Variants in NEURL1 observed in about 807,000 individuals in gnomAD.
The protein encoded by NEURL1 is E3 ubiquitin-protein ligase NEURL1.
Under a neutral mutation model 41.2 loss-of-function variants are expected in NEURL1, and 26 were observed. The observed-to-expected ratio is 0.63, with a 90% CI of 0.46 to 0.87. NEURL1 has a LOEUF of 0.87. NEURL1 is among the 40% of genes least tolerant of loss of function. The pLI is 0.00. For missense variants in NEURL1, 761 were observed against 871.1 expected, an observed-to-expected ratio of 0.87 and a Z score of 1.59; for synonymous variants, 400 against 402.3, an observed-to-expected ratio of 0.99 and a Z score of 0.07.
At chr10:103,559,855 CACAT>C (rs1342282568) in intron 1 of NEURL1, among the ~76,000 whole-genome samples, 20 of 144,450 alleles carry the variant, frequency 1.4e-4, no homozygotes, top group African/African-American at 3.9e-4. Context: ...CGCACACACA[CACAT>C]GTACATGTAC....
Position 103,570,713 on chromosome 10 carries a change from T to C in NEURL1, c.86-159T>C, listed in dbSNP as rs374067531. On this transcript the variant is annotated intron_variant, in intron 1 of 5. Coordinates refer to ENST00000369780, the MANE Select transcript of NEURL1 (RefSeq NM_004210.5). ...TGGTGGAGTGGGAGATGGTGAGAGA[T>C]GGTGGCAGAAGGATGGTGGCAAGGG... 4.0e-5 allele frequency among the ~76,000 whole-genome samples: 6 copies of C among 151,704 alleles called. No individual in the cohort carries two copies. The East Asian group carries it at 9.7e-4, about 24-fold the overall frequency.
In NEURL1 at chr10:103,584,690, C is replaced by A; in HGVS notation, c.804C>A (p.Ala268=). ...CGGACGGCGACGAGGCCGCGCCGGC[C>A]GCCGGCTGCCCCATCCCGCAGAACT... ...PGADGDEAAP[A]AGCPIPQNSL... is the part of the protein sequence containing the mutation. The change falls in exon 4 of 6, where the codon GCC becomes GCA. Residue 268 remains alanine (A), a synonymous_variant. Transcript: ENST00000369780. 1 of 1,434,994 alleles carries A rather than the reference C, an allele frequency of 7.0e-7. No homozygotes were observed. Among genetic ancestry groups the A allele is most frequent in the South Asian group, 1.4e-5 (1 of 70,408 alleles). The allele number at this position is 1,434,994 out of a possible 1,614,324, so 88.9% of individuals were successfully genotyped here.
rs1241946940 is a variant in NEURL1, at chr10:103,585,277, G to C, written c.1339+52G>C. ...GTATGCCTTTCCTGGAGGCGGGGACGATCCGGGTAGGAGACAAAGGGCGAG... is the reference window on the plus strand; with the variant it reads ...GTATGCCTTTCCTGGAGGCGGGGACCATCCGGGTAGGAGACAAAGGGCGAG... On this transcript the variant is annotated intron_variant, in intron 4 of 5. Transcript: ENST00000369780. 5 of 1,407,232 alleles carry C rather than the reference G, an allele frequency of 3.6e-6. No homozygotes were observed. In the East Asian group the frequency reaches 1.3e-4, roughly 37 times the overall value. The allele number at this position is 1,407,232 out of a possible 1,614,324, so 87.2% of individuals were successfully genotyped here. A position where few individuals can be genotyped will look rare whatever the true frequency, so the allele number is the denominator to read the frequency against.
intron 1 of NEURL1, among the ~76,000 whole-genome samples, chr10:103,548,387 A>C (rs776212989): frequency 6.6e-6 from 1 of 152,154 alleles, no homozygotes; most frequent in Non-Finnish European, 1.5e-5. Flanking sequence ...CAATGGCACA[A>C]TCTCGGCTCA....
rs2035158684 is a variant in NEURL1 at position 103,556,514 on chromosome 10, C to T, written c.86-14358C>T. On this transcript the variant is annotated intron_variant, in intron 1 of 5. Coordinates refer to ENST00000369780, the MANE Select transcript of NEURL1 (RefSeq NM_004210.5). This position sits in a 1 kb window ranked among gnomAD's most constrained non-coding sequence, Gnocchi z 4.4. ...GCTCAGGAAGGAAGGAGGGTGGTGG[C>T]AGGAGCGCATGGGCAGCCGCAGCCG... Among the ~76,000 whole-genome samples, 1 of 152,118 alleles carries T rather than the reference C, an allele frequency of 6.6e-6. No homozygotes were observed.
chr10:103,577,561 C>T (rs974372518), intron 3 of NEURL1: 1 of 152,296 alleles, frequency 6.6e-6, no homozygotes, highest in Non-Finnish European at 1.5e-5. Context: ...ACATTACCTT[C>T]CAGCTTCTCT....
chr10:103,497,875 C>T (rs549498912), intron 1 of NEURL1, among the ~76,000 whole-genome samples: 6 of 152,206 alleles, frequency 3.9e-5, no homozygotes, highest in Admixed American at 2.0e-4. Context: ...TGTCGAAACC[C>T]AGATATGTGG....
intron 1 of NEURL1, among the ~76,000 whole-genome samples, chr10:103,547,536 G>C (rs1487346217): frequency 1.3e-5 from 2 of 152,236 alleles, no homozygotes; most frequent in African/African-American, 4.8e-5. Context: ...GGACCTGGGA[G>C]AGGCAGGAAG....
chr10:103,563,106 C>T (rs527300909), intron 1 of NEURL1, among the ~76,000 whole-genome samples: 5 of 152,262 alleles, frequency 3.3e-5, no homozygotes, highest in East Asian at 1.9e-4. Flanking sequence ...GAGATTAGGA[C>T]GTTTGGGGTA....
chr10:103,559,843 T>C (rs1346578614), intron 1 of NEURL1, among the ~76,000 whole-genome samples: 3 of 143,590 alleles, frequency 2.1e-5, no homozygotes, highest in Admixed American at 6.8e-5. Context: ...CACACATATG[T>C]GCGCACACAC....
chr10:103,549,433 C>T (rs1030653428), intron 1 of NEURL1, among the ~76,000 whole-genome samples: 2 of 152,216 alleles, frequency 1.3e-5, no homozygotes, highest in African/African-American at 4.8e-5. Context: ...CTCTCCTCTC[C>T]CTCCTCATCT....
chr10:103,494,769 A>C, intron 1 of NEURL1: 1 of 384,418 alleles, frequency 2.6e-6, no homozygotes, highest in Non-Finnish European at 4.6e-6. Flanking sequence ...TGCCAGGTCG[A>C]TAGGGGAGTG....
chr10:103,547,696 ATG>A (rs2034951655), intron 1 of NEURL1, among the ~76,000 whole-genome samples: 1 of 152,164 alleles, frequency 6.6e-6, no homozygotes, highest in African/African-American at 2.4e-5. Flanking sequence ...GTATATGTGA[ATG>A]TGAGTGTGAG....
chr10:103,586,256 A>G (rs544451715), intron 4 of NEURL1, among the ~76,000 whole-genome samples: 40 of 152,262 alleles, frequency 2.6e-4, no homozygotes, highest in African/African-American at 9.4e-4. Flanking sequence ...TCTTTTCACA[A>G]AGTGTCTCCT....
At position 103,566,940 on chromosome 10, in the gene NEURL1, T is replaced by TACCC. The variant is rs2035436420; in HGVS notation, c.86-3932_86-3931insACCC. ...GCCCTGTGTGCTACATGAGATGGTT[T>TACCC]TGGGTGGTACATAAAGGAAACTTTG... is the stretch of plus-strand genomic sequence containing the variant. On this transcript the variant is annotated intron_variant, in intron 1 of 5. Transcript: ENST00000369780. This position sits in a 1 kb window ranked among gnomAD's most constrained non-coding sequence, Gnocchi z 4.2. Among the ~76,000 whole-genome samples, 1 of 152,176 alleles carries TACCC rather than the reference T, an allele frequency of 6.6e-6. No individual in the cohort carries two copies. The highest frequency in any genetic ancestry group is 1.5e-5 in the Non-Finnish European group (1 of 68,032).
intron 1 of NEURL1, among the ~76,000 whole-genome samples, chr10:103,499,429 CTT>C (rs1167542140): frequency 6.8e-6 from 1 of 147,852 alleles, no homozygotes; most frequent in Non-Finnish European, 1.5e-5. Flanking sequence ...TCCTTCTCTT[CTT>C]CCCTCCTTCC....
At chr10:103,496,803 C>A (rs2033696241) in intron 1 of NEURL1, among the ~76,000 whole-genome samples, 1 of 152,152 alleles carries the variant, frequency 6.6e-6, no homozygotes, top group African/African-American at 2.4e-5. Flanking sequence ...GTTAGTTGGC[C>A]CTTAATATTC....
intron 1 of NEURL1, among the ~76,000 whole-genome samples, chr10:103,533,598 G>A (rs1279346815): frequency 1.3e-5 from 2 of 151,450 alleles, no homozygotes; most frequent in African/African-American, 4.9e-5. Flanking sequence ...GTGCAGTGGC[G>A]CGATCTTGGC....
chr10:103,585,071 C>T lies in NEURL1; in HGVS notation c.1185C>T (p.Ser395=), dbSNP rs367605299. The change falls in exon 4 of 6, where the codon AGC becomes AGT. Residue 395 remains serine, a synonymous_variant. Transcript: ENST00000369780. The part of the protein sequence containing the change: ...AVCRVPGPLH[S]GDILGLVVNA... ...GCCGCGTGCCCGGGCCCCTGCACAG[C>T]GGCGACATCCTGGGCCTGGTGGTCA... 2.5e-6 allele frequency: 4 copies of T among 1,590,386 alleles called. No individual in the cohort carries two copies. Among genetic ancestry groups the T allele is most frequent in the South Asian group, 1.1e-5 (1 of 89,518 alleles).
Sources: allele counts gnomAD v4.1 joint callset (sites outside exome capture counted in the v4.1 genomes callset), GRCh38; gene constraint gnomAD v4.1.1; non-coding constraint Gnocchi (gnomAD v3.1); transcripts MANE v1.5; gene names NCBI Gene and HGNC (gene_info 2026-07-23, HGNC 2026-07-21).